Variants in ARHGEF26 observed in about 807,000 individuals in gnomAD.
ARHGEF26 encodes the protein Rho guanine nucleotide exchange factor 26, also known as Rho guanine nucleotide exchange factor (GEF) 26.
In ARHGEF26, 59 loss-of-function variants were observed where a neutral mutation model predicts 89.4. That is an observed-to-expected ratio of 0.66 (90% CI 0.54 to 0.82). The LOEUF (loss-of-function observed/expected upper bound fraction) is 0.82. Among genes scored for constraint, ARHGEF26 ranks in the 40% least tolerant of loss-of-function variants. The pLI is 0.00. For synonymous variants in ARHGEF26, 500 were observed against 428.4 expected (o/e 1.17, Z -2.06); for missense variants, 1,234 against 1,085.6 (o/e 1.14, Z -1.92).
chr3:154,215,571 A>G (rs576560486), intron 9 of ARHGEF26, among the ~76,000 whole-genome samples: 14 of 152,166 alleles, frequency 9.2e-5, no homozygotes, highest in African/African-American at 3.4e-4. Flanking sequence ...GAGTACCATA[A>G]ACTGGGTGGT....
intron 6 of ARHGEF26, among the ~76,000 whole-genome samples, chr3:154,178,049 C>T (rs1016389543): frequency 6.6e-6 from 1 of 151,876 alleles, no homozygotes; most frequent in Non-Finnish European, 1.5e-5. Context: ...CCTAAGAATA[C>T]AAAAATTAGC....
chr3:154,232,564 T>C (rs1716886316), intron 11 of ARHGEF26, among the ~76,000 whole-genome samples: 1 of 152,158 alleles, frequency 6.6e-6, no homozygotes, highest in Non-Finnish European at 1.5e-5. Flanking sequence ...GCAAAACATA[T>C]AATTATCAGG....
At chr3:154,206,152 T>C (rs561644117) in intron 9 of ARHGEF26, among the ~76,000 whole-genome samples, 13 of 152,302 alleles carry the variant, frequency 8.5e-5, no homozygotes, top group Admixed American at 3.3e-4. Context: ...ATATTTTCAC[T>C]GGATATACTA....
chr3:154,125,867 T>A (rs1403049833), intron 3 of ARHGEF26, among the ~76,000 whole-genome samples: 1 of 152,116 alleles, frequency 6.6e-6, no homozygotes, highest in Non-Finnish European at 1.5e-5. Context: ...AGAAGCAGTG[T>A]GTCTAAATGG....
At chr3:154,132,568 G>C (rs1718745209) in intron 4 of ARHGEF26, among the ~76,000 whole-genome samples, 1 of 152,096 alleles carries the variant, frequency 6.6e-6, no homozygotes, top group Non-Finnish European at 1.5e-5. Context: ...AACGAGCGGA[G>C]GCTTCGTGCA....
Position 154,122,714 on chromosome 3 carries a change from C to T in ARHGEF26, c.722C>T (p.Ala241Val). 1 of 1,613,598 alleles carries T rather than the reference C, an allele frequency of 6.2e-7. No homozygotes were observed. Among genetic ancestry groups the T allele is most frequent in the Non-Finnish European group, 8.5e-7 (1 of 1,179,720 alleles). Reference sequence around the variant, plus strand: ...GTGGTTTTGAGTACAAACAGCCCCGCCGCCCTCAAAGTGGGGAAGCAGCAG... The same window carrying T: ...GTGGTTTTGAGTACAAACAGCCCCGTCGCCCTCAAAGTGGGGAAGCAGCAG... ...PSVVLSTNSP[A>V]ALKVGKQQII... is the part of the protein sequence containing the mutation. The change falls in exon 2 of 15, where the codon GCC becomes GTC. Residue 241 changes from alanine to valine, a missense_variant. By Grantham distance (64) the Ala-to-Val change is moderately conservative. Transcript: ENST00000465093.
chr3:154,222,167 C>A (rs533940348), intron 10 of ARHGEF26, among the ~76,000 whole-genome samples: 1 of 152,302 alleles, frequency 6.6e-6, no homozygotes, highest in South Asian at 2.1e-4. Context: ...AGTCCACATT[C>A]TTAACAATGA....
chr3:154,232,352 T>C (rs1716877878), intron 11 of ARHGEF26, among the ~76,000 whole-genome samples: 1 of 152,204 alleles, frequency 6.6e-6, no homozygotes, highest in Non-Finnish European at 1.5e-5. Context: ...CTATTTGTTA[T>C]ATTATTAACA....
At chr3:154,239,299 A>AGAGAGAGAGTGT (rs1182446964) in intron 11 of ARHGEF26, among the ~76,000 whole-genome samples, 1 of 64,256 alleles carries the variant, frequency 1.6e-5, no homozygotes, top group African/African-American at 6.1e-5. Context: ...AGAGAGAGAG[A>AGAGAGAGAGTGT]GTGTGTGTGT....
At chr3:154,202,813 G>T (rs1714735400) in intron 9 of ARHGEF26, among the ~76,000 whole-genome samples, 1 of 143,208 alleles carries the variant, frequency 7.0e-6, no homozygotes, top group African/African-American at 2.6e-5. Context: ...TGTTATTGGT[G>T]TATAAGAATG....
chr3:154,123,187 T>A (rs1039897904), intron 2 of ARHGEF26, 112 bp downstream of exon 2: 1 of 1,457,154 alleles, frequency 6.9e-7, no homozygotes, highest in African/African-American at 1.4e-5. Flanking sequence ...GTTTTAATTC[T>A]GTGTTTTGCT....
intron 9 of ARHGEF26, among the ~76,000 whole-genome samples, chr3:154,213,641 G>C (rs897128828): frequency 2.0e-5 from 3 of 152,034 alleles, no homozygotes; most frequent in Non-Finnish European, 4.4e-5. Flanking sequence ...ATTTTATGAA[G>C]GGATAGCTAT....
chr3:154,144,996 A>G (rs943935272), intron 4 of ARHGEF26, among the ~76,000 whole-genome samples: 3 of 152,194 alleles, frequency 2.0e-5, no homozygotes, highest in Non-Finnish European at 4.4e-5. Context: ...CCCCAGAAGG[A>G]TGACCCATCT....
At chr3:154,193,670 A>T (rs2108192076) in intron 8 of ARHGEF26, among the ~76,000 whole-genome samples, 1 of 152,254 alleles carries the variant, frequency 6.6e-6, no homozygotes, top group Non-Finnish European at 1.5e-5. Flanking sequence ...CAGTAATTAA[A>T]GTGGTTCCCT....
At chr3:154,247,506 T>G (rs1217316864) in intron 12 of ARHGEF26, among the ~76,000 whole-genome samples, 1 of 152,162 alleles carries the variant, frequency 6.6e-6, no homozygotes, top group Non-Finnish European at 1.5e-5. Context: ...ATACAGTAGT[T>G]TTATCACTAA....
chr3:154,213,216 A>AGAGTGT (rs1553747872), intron 9 of ARHGEF26, among the ~76,000 whole-genome samples: 1,878 of 141,944 alleles, frequency 0.013, 45 homozygotes, highest in African/African-American at 0.044. Context: ...AGAGAGAGAG[A>AGAGTGT]GTGTGTGTGT....
In ARHGEF26 at chr3:154,255,450, C is replaced by G. The variant is rs1049647041; in HGVS notation, c.2593C>G (p.Leu865Val). ...DKNVERMGRL[L>V]GLETNV ...GAATGTGGAGAGAATGGGACGCTTG[C>G]TAGGACTGGAGACCAACGTGTAGTC... Residue 865 changes from leucine to valine, a missense_variant, in exon 15 of 15, where the codon CTA becomes GTA. Leu to Val is a conservative substitution (Grantham distance 32, BLOSUM62 1). Transcript: ENST00000465093. The G allele has an allele frequency of 6.2e-7, 1 of 1,613,578 alleles. No individual in the cohort carries two copies. The highest frequency in any genetic ancestry group is 8.5e-7 in the Non-Finnish European group (1 of 1,179,684).
chr3:154,228,866 G>T (rs368406418), intron 11 of ARHGEF26, among the ~76,000 whole-genome samples: 19 of 152,342 alleles, frequency 1.2e-4, no homozygotes, highest in African/African-American at 4.1e-4. Flanking sequence ...AGCGCTTGAG[G>T]ACTGATCTAG....
At position 154,256,781 on chromosome 3, in the gene ARHGEF26, A is replaced by G. The variant is rs1718544828; in HGVS notation, c.*1308A>G. ...AACCTTTTGACCTTAGTGGGAATTCATTCTATTTGCACTAAAAGCCTTAAC... is the reference window on the plus strand; with the variant it reads ...AACCTTTTGACCTTAGTGGGAATTCGTTCTATTTGCACTAAAAGCCTTAAC... On this transcript the variant is annotated 3_prime_UTR_variant, in exon 15 of 15. Transcript: ENST00000465093. 29 of 1,471,400 alleles carry G rather than the reference A, an allele frequency of 2.0e-5. No homozygotes were observed. In the South Asian group the frequency reaches 3.8e-4, roughly 19 times the overall value. The allele number at this position is 1,471,400 out of a possible 1,614,324, so 91.1% of individuals were successfully genotyped here.
Sources: allele counts gnomAD v4.1 joint callset (sites outside exome capture counted in the v4.1 genomes callset), GRCh38; gene constraint gnomAD v4.1.1; transcripts MANE v1.5; gene names NCBI Gene and HGNC (gene_info 2026-07-23, HGNC 2026-07-21).